The following ZNF320 variants were observed in gnomAD, a reference collection of about 807,000 sequenced individuals.
ZNF320 encodes zinc finger gene 320.
Under a neutral mutation model 6.8 loss-of-function variants are expected in ZNF320, and 2 were observed. That is an observed-to-expected ratio of 0.29 (90% CI 0.12 to 0.93). ZNF320 has a LOEUF of 0.93. Among genes scored for constraint, ZNF320 ranks in the 40% least tolerant of loss-of-function variants. ZNF320 has a pLI of 0.55. For missense variants in ZNF320, 472 were observed against 611.0 expected, an observed-to-expected ratio of 0.77 and a Z score of 2.40; for synonymous variants, 208 against 203.2, an observed-to-expected ratio of 1.02 and a Z score of -0.20.
chr19:52,862,627 C>T (rs1294477799), exon 6 of ZNF320: 9 of 484,164 alleles, frequency 1.9e-5, no homozygotes, highest in South Asian at 1.1e-4. Flanking sequence ...GGTGAATAGG[C>T]GATGCCCTCA....
chr19:52,885,065 G>A (rs1236570015), intron 5 of ZNF320, among the ~76,000 whole-genome samples: 1 of 152,054 alleles, frequency 6.6e-6, no homozygotes, highest in African/African-American at 2.4e-5. Context: ...AGCCTGGCAT[G>A]TTGGCACTCG....
upstream of ZNF320, among the ~76,000 whole-genome samples, chr19:52,901,395 G>A (rs942505812): frequency 4.6e-5 from 7 of 152,146 alleles, no homozygotes; most frequent in African/African-American, 7.2e-5. Context: ...TGCTTCAGTC[G>A]TGCGTGGACC....
At chr19:52,875,655 T>A (rs148682833), downstream of ZNF320, among the ~76,000 whole-genome samples, 17 of 152,086 alleles carry the variant, frequency 1.1e-4, no homozygotes, top group East Asian at 3.3e-3. Flanking sequence ...GTGGTGTGCA[T>A]CTGTGGTCTC....
chr19:52,880,951 T>C lies in ZNF320; in HGVS notation c.1175A>G (p.Lys392Arg). The part of the protein sequence containing the change: ...ERPYTCNECG[K>R]VFSTKAYLAC... ...GAGGTACGCTTTTGTACTAAAAACCTTGCCACATTCATTACATGTGTAAGG... is the reference window on the plus strand; with the variant it reads ...GAGGTACGCTTTTGTACTAAAAACCCTGCCACATTCATTACATGTGTAAGG... The change falls in exon 6 of 6, where the codon AAG becomes AGG. Residue 392 changes from lysine to arginine, a missense_variant. Physicochemically the swap from Lys to Arg is conservative, Grantham distance 26. Around this residue, in one of 2 missense-constraint regions of ZNF320, gnomAD observed 462 missense variants for 559.7 expected, o/e 0.83. Transcript: ENST00000682928. 3 of 1,613,598 alleles carry C rather than the reference T, an allele frequency of 1.9e-6. No individual in the cohort carries two copies. Among genetic ancestry groups the C allele is most frequent in the Non-Finnish European group, 1.7e-6 (2 of 1,179,578 alleles).
Position 52,880,180 on chromosome 19 carries a change from C to T in ZNF320, c.*416G>A, listed in dbSNP as rs901191326. 6.4e-6 allele frequency: 1 copy of T among 156,594 alleles called. No individual in the cohort carries two copies. The highest frequency in any genetic ancestry group is 2.4e-5 in the African/African-American group (1 of 41,434). The allele number at this position is 156,594 out of a possible 1,614,324, so 9.7% of individuals were successfully genotyped here. ...TAGCTAACACGGTGAAACCCAGTCT[C>T]TACTAAAAATACAAAAAATTACCCG... On this transcript the variant is annotated 3_prime_UTR_variant, in exon 6 of 6. Coordinates refer to ENST00000682928, the MANE Select transcript of ZNF320 (RefSeq NM_001351774.2).
At chr19:52,882,602 G>A (rs1421374841) in intron 5 of ZNF320, among the ~76,000 whole-genome samples, 2 of 152,270 alleles carry the variant, frequency 1.3e-5, no homozygotes, top group African/African-American at 4.8e-5. Context: ...AGCCCACATC[G>A]CACCACTGCA....
At chr19:52,873,920 A>T (rs2063722646), downstream of ZNF320, 1 of 372,818 alleles carries the variant, frequency 2.7e-6, no homozygotes, top group Non-Finnish European at 5.4e-6. Flanking sequence ...CTCACAGGAG[A>T]CTGACTACTA....
intron 5 of ZNF320, among the ~76,000 whole-genome samples, chr19:52,870,841 C>A (rs2063668379): frequency 6.6e-6 from 1 of 152,122 alleles, no homozygotes; most frequent in Non-Finnish European, 1.5e-5. Context: ...CCATTCCATT[C>A]CAAGTCATTA....
intron 1 of ZNF320, chr19:52,894,280 G>C (rs2064402463): frequency 6.6e-6 from 1 of 151,938 alleles, no homozygotes; most frequent in Non-Finnish European, 1.5e-5. Context: ...AGGTACTCTG[G>C]AGGCTGAGTC....
At chr19:52,886,342 C>T (rs2064077668) in intron 5 of ZNF320, among the ~76,000 whole-genome samples, 2 of 152,040 alleles carry the variant, frequency 1.3e-5, no homozygotes, top group South Asian at 4.2e-4. Context: ...ATCATGCTAC[C>T]CAGGCTGGTT....
exon 6 of ZNF320, chr19:52,862,675 T>G (rs967605814): frequency 1.7e-6 from 1 of 585,838 alleles, no homozygotes; most frequent in Non-Finnish European, 2.9e-6. Flanking sequence ...ACTTGTAAGG[T>G]TTCTCTCCAG....
intron 5 of ZNF320, among the ~76,000 whole-genome samples, chr19:52,866,972 T>C (rs1037732995): frequency 2.0e-5 from 3 of 151,796 alleles, no homozygotes; most frequent in African/African-American, 7.3e-5. Context: ...AATACGGCAA[T>C]TCTATATACA....
At chr19:52,886,281 C>A (rs1268840063) in intron 5 of ZNF320, among the ~76,000 whole-genome samples, 1 of 152,022 alleles carries the variant, frequency 6.6e-6, no homozygotes, top group African/African-American at 2.4e-5. Context: ...ATTACAGCTG[C>A]CCACCACTGT....
intron 5 of ZNF320, chr19:52,865,326 T>C: frequency 3.5e-6 from 1 of 281,702 alleles, no homozygotes; most frequent in Non-Finnish European, 6.9e-6. Context: ...CCATTTCAAA[T>C]ATATATATAT....
chr19:52,864,466 G>C (rs1358301634), intron 5 of ZNF320, among the ~76,000 whole-genome samples: 1 of 152,152 alleles, frequency 6.6e-6, no homozygotes, highest in African/African-American at 2.4e-5. Flanking sequence ...TAAAATACAA[G>C]TGCAGTCTCA....
At chr19:52,898,332 C>G (rs1411829099), upstream of ZNF320, among the ~76,000 whole-genome samples, 1 of 152,134 alleles carries the variant, frequency 6.6e-6, no homozygotes, top group Non-Finnish European at 1.5e-5. Context: ...CCTGCTTAAA[C>G]ACAGCAGGGA....
chr19:52,882,025 A>G, intron 5 of ZNF320, 42 bp from the exon 6 acceptor site: 1 of 1,553,730 alleles, frequency 6.4e-7, no homozygotes, highest in Non-Finnish European at 8.7e-7. Flanking sequence ...TTAAGTACAG[A>G]TGGTATAAAA....
At chr19:52,897,939 G>A (rs1330608272), upstream of ZNF320, among the ~76,000 whole-genome samples, 1 of 152,216 alleles carries the variant, frequency 6.6e-6, no homozygotes, top group Non-Finnish European at 1.5e-5. Context: ...TCCAGGTTTT[G>A]GAGGCGAAAG....
At chr19:52,875,338 T>C (rs1045864565), downstream of ZNF320, among the ~76,000 whole-genome samples, 1 of 152,142 alleles carries the variant, frequency 6.6e-6, no homozygotes, top group East Asian at 1.9e-4. Context: ...CACAGGATTG[T>C]AGAGCTCAGT....
Sources: gnomAD v4.1 joint callset for allele counts (sites outside exome capture counted in the v4.1 genomes callset) on GRCh38, gnomAD v4.1.1 for gene constraint, gnomAD v4.1.1 regional missense constraint, MANE v1.5 for transcripts, NCBI Gene and HGNC (gene_info 2026-07-23, HGNC 2026-07-21) for gene names.